Variants in LAMA2 observed in about 807,000 individuals in gnomAD.
LAMA2 encodes laminin subunit alpha 2.
Under a neutral mutation model 364.8 loss-of-function variants are expected in LAMA2, and 269 were observed. The ratio of observed to expected loss-of-function variants is 0.74; its 90% confidence interval spans 0.67 to 0.82. LAMA2 has a LOEUF of 0.82. Ranked by LOEUF, LAMA2 falls within the 40% of genes least tolerant of loss-of-function variation. The pLI is 0.00. For missense variants in LAMA2, 3,807 were observed against 3,873.2 expected (o/e 0.98, Z 0.45); for synonymous variants, 1,379 against 1,370.6 (o/e 1.01, Z -0.14).
chr6:129,192,566 T>A, intron 11 of LAMA2, 114 bp from the exon 12 acceptor site: 1 of 918,014 alleles, frequency 1.1e-6, no homozygotes, highest in Non-Finnish European at 1.7e-6. Flanking sequence ...ATGTTTGTGG[T>A]TTGGTTTTTT....
intron 2 of LAMA2, among the ~76,000 whole-genome samples, chr6:129,056,325 T>C (rs1371709355): frequency 6.6e-6 from 1 of 152,224 alleles, no homozygotes; most frequent in Non-Finnish European, 1.5e-5. Context: ...TGATATTTGC[T>C]GTCATCATAA....
chr6:129,282,925 A>T (rs1347218650), intron 18 of LAMA2, among the ~76,000 whole-genome samples: 1 of 152,068 alleles, frequency 6.6e-6, no homozygotes, highest in Non-Finnish European at 1.5e-5. Context: ...CTTCATTCAA[A>T]CATGTAGCAC....
chr6:129,225,044 T>C (rs1175519889), intron 12 of LAMA2, among the ~76,000 whole-genome samples: 2 of 152,242 alleles, frequency 1.3e-5, no homozygotes, highest in Non-Finnish European at 2.9e-5. Flanking sequence ...ATTCAACTTC[T>C]TCCTTGTTTA....
At chr6:129,121,167 A>G (rs1265077159) in intron 4 of LAMA2, among the ~76,000 whole-genome samples, 1 of 152,118 alleles carries the variant, frequency 6.6e-6, no homozygotes, top group African/African-American at 2.4e-5. Flanking sequence ...CTTGGGATGT[A>G]TTTTCAGAAA....
intron 20 of LAMA2, among the ~76,000 whole-genome samples, chr6:129,294,199 T>C (rs1266024412): frequency 2.0e-5 from 3 of 152,174 alleles, no homozygotes; most frequent in Non-Finnish European, 2.9e-5. Flanking sequence ...CAATGGGATA[T>C]ACCCAAGCAA....
chr6:129,208,620 AAAGAAAGAAAG>A (rs570192976), intron 12 of LAMA2, among the ~76,000 whole-genome samples: 175 of 104,326 alleles, frequency 1.7e-3, no homozygotes, highest in Non-Finnish European at 3.0e-3. Flanking sequence ...AGAATGGAAG[AAAGAAAGAAAG>A]AAGAAAGAAA....
chr6:129,066,325 G>T (rs566082396), intron 3 of LAMA2, among the ~76,000 whole-genome samples: 4 of 151,838 alleles, frequency 2.6e-5, no homozygotes, highest in Non-Finnish European at 5.9e-5. Flanking sequence ...GATTACAGGC[G>T]TGAGCCACCG....
chr6:129,034,419 G>A lies in LAMA2; in HGVS notation c.113-15499G>A, dbSNP rs557600155. 1.2e-4 allele frequency among the ~76,000 whole-genome samples: 18 copies of A among 152,068 alleles called. No homozygotes were observed. In the South Asian group the frequency reaches 3.3e-3, roughly 28 times the overall value. Reference sequence around the variant, plus strand: ...TTTGTCCTTCCTGATGTAGCCATTAGTGTTCCTACAAGAAATCTGGATTAT... The same window carrying A: ...TTTGTCCTTCCTGATGTAGCCATTAATGTTCCTACAAGAAATCTGGATTAT... On this transcript the variant is annotated intron_variant, in intron 1 of 64. Coordinates refer to ENST00000421865, the MANE Select transcript of LAMA2 (RefSeq NM_000426.4).
intron 12 of LAMA2, among the ~76,000 whole-genome samples, chr6:129,208,627 GA>G (rs1562333685): frequency 2.4e-4 from 35 of 143,196 alleles, no homozygotes; most frequent in African/African-American, 8.5e-4. Flanking sequence ...AAGAAAGAAA[GA>G]AAGAAGAAAG....
chr6:129,443,092 C>T lies in LAMA2; in HGVS notation c.6274+24C>T, dbSNP rs116581101. The T allele has an allele frequency of 1.4e-3, 2,222 of 1,569,296 alleles. 37 individuals carry two copies. The African/African-American group carries it at 0.026, about 19-fold the overall frequency. ...CAGTACGTATATGTTTACTTATATA[C>T]CTTTTAGTAACGCTCATGCTTCATT... On this transcript the variant is annotated intron_variant, in intron 44 of 64. Coordinates refer to ENST00000421865, the MANE Select transcript of LAMA2 (RefSeq NM_000426.4).
intron 15 of LAMA2, 91 bp downstream of exon 15, chr6:129,260,913 A>G: frequency 6.3e-6 from 5 of 796,698 alleles, no homozygotes; most frequent in South Asian, 5.5e-5. Context: ...TTTTTTTTCT[A>G]TCAATAATTA....
At chr6:129,094,754 T>G (rs147441381) in intron 3 of LAMA2, among the ~76,000 whole-genome samples, 1 of 152,314 alleles carries the variant, frequency 6.6e-6, no homozygotes, top group East Asian at 1.9e-4. Flanking sequence ...TTTACCTAGA[T>G]TCTCTCTTTC....
Position 129,478,678 on chromosome 6 carries a change from T to TTGAC in LAMA2, c.7452-13_7452-10dup, listed in dbSNP as rs1784203015. On this transcript the variant is annotated splice_polypyrimidine_tract_variant and intron_variant, in intron 53 of 64. Transcript: ENST00000421865. The stretch of plus-strand genomic sequence containing the variant: ...TAATGATATTGCTTTTGCTTTTCAT[T>TTGAC]TGACTATTCAATAGGCCAGAAGTAA... 4.3e-6 allele frequency: 7 copies of TTGAC among 1,613,314 alleles called. No homozygotes were observed. The highest frequency in any genetic ancestry group is 4.2e-6 in the Non-Finnish European group (5 of 1,179,440).
chr6:129,234,393 G>A (rs1784856959), intron 12 of LAMA2, among the ~76,000 whole-genome samples: 1 of 151,968 alleles, frequency 6.6e-6, no homozygotes, highest in Admixed American at 6.6e-5. Context: ...GCCCCTCAGA[G>A]GGCACCCCAT....
Position 128,915,255 on chromosome 6 carries a change from G to A in LAMA2, c.112+31898G>A, listed in dbSNP as rs142008017. ...TTCACTCAGACATTGACATAAACAA[G>A]GCAGAAAGGTTAATGGATAAAAAAT... On this transcript the variant is annotated intron_variant, in intron 1 of 64. Transcript: ENST00000421865. 1.6e-3 allele frequency among the ~76,000 whole-genome samples: 247 copies of A among 152,242 alleles called. 2 individuals carry two copies. The highest frequency in any genetic ancestry group is 5.8e-3 in the African/African-American group (239 of 41,548).
intron 12 of LAMA2, among the ~76,000 whole-genome samples, chr6:129,228,330 C>T (rs1228858816): frequency 1.3e-5 from 2 of 152,074 alleles, no homozygotes; most frequent in African/African-American, 2.4e-5. Context: ...GGGCTGCAAC[C>T]ACTGTCCTGC....
At chr6:128,971,673 G>A (rs1782196196) in intron 1 of LAMA2, among the ~76,000 whole-genome samples, 1 of 152,146 alleles carries the variant, frequency 6.6e-6, no homozygotes, top group Non-Finnish European at 1.5e-5. Context: ...GGTAAGAAAA[G>A]CTGAAAAAGG....
chr6:129,242,201 G>C (rs971050597), intron 12 of LAMA2, among the ~76,000 whole-genome samples: 4 of 152,062 alleles, frequency 2.6e-5, no homozygotes, highest in African/African-American at 9.7e-5. Context: ...AGTAGAAAGG[G>C]CCATACCATA....
chr6:129,138,868 A>C (rs911180940), intron 4 of LAMA2, among the ~76,000 whole-genome samples: 6 of 152,146 alleles, frequency 3.9e-5, no homozygotes, highest in Non-Finnish European at 8.8e-5. Flanking sequence ...AGGGTTGAGC[A>C]CTGTGGTGCT....
Sources: allele counts gnomAD v4.1 joint callset (sites outside exome capture counted in the v4.1 genomes callset), GRCh38; gene constraint gnomAD v4.1.1; transcripts MANE v1.5; gene names NCBI Gene and HGNC (gene_info 2026-07-23, HGNC 2026-07-21).